The following TCHP variants were observed in gnomAD, a reference collection of about 807,000 sequenced individuals.
The protein encoded by TCHP is trichoplein keratin filament binding, also known as trichoplein keratin filament-binding protein.
Under a neutral mutation model 88.7 loss-of-function variants are expected in TCHP, and 81 were observed. That is an observed-to-expected ratio of 0.91 (90% CI 0.76 to 1.10). The LOEUF (loss-of-function observed/expected upper bound fraction) is 1.10. Ranked by LOEUF, TCHP falls within the 50% of genes least tolerant of loss-of-function variation. The probability of loss-of-function intolerance (pLI) is 0.00; values close to 1 mark genes in which losing one functional copy is unlikely to be tolerated. For missense variants in TCHP, 641 were observed against 632.1 expected (o/e 1.01, Z -0.15); for synonymous variants, 232 against 232.5 (o/e 1.00, Z 0.02).
At chr12:109,915,087 C>T (rs1870727988) in intron 11 of TCHP, 1 of 483,760 alleles carries the variant, frequency 2.1e-6, no homozygotes, top group Non-Finnish European at 3.8e-6. Context: ...ACAGCCTCTC[C>T]AGCTTTCTAC....
Position 109,914,558 on chromosome 12 carries a change from G to T in TCHP, c.1251G>T (p.Glu417Asp), listed in dbSNP as rs940072433. Reference sequence around the variant, plus strand: ...TTCGAAATCTTGAGGAGGTGAGAGAGTTGGCTCGTCGCGAGAAAGAGGAGA... The same window carrying T: ...TTCGAAATCTTGAGGAGGTGAGAGATTTGGCTCGTCGCGAGAAAGAGGAGA... ...QLIRNLEEVR[E>D]LARREKEESE... is the part of the protein sequence containing the mutation. Residue 417 changes from glutamate (E) to aspartate (D), a missense_variant, in exon 11 of 13, where the codon GAG becomes GAT. Glu to Asp is a conservative substitution (Grantham distance 45). Transcript: ENST00000405876. 4 of 1,613,886 alleles carry T rather than the reference G, an allele frequency of 2.5e-6. No homozygotes were observed. In the Admixed American group the frequency reaches 6.7e-5, roughly 27 times the overall value.
intron 12 of TCHP, 57 bp from the exon 13 acceptor site, chr12:109,916,534 C>G: frequency 6.5e-7 from 1 of 1,527,986 alleles, no homozygotes; most frequent in East Asian, 2.3e-5. Context: ...AAGGTTAATT[C>G]CTCATGCTGC....
At position 109,903,626 on chromosome 12, in the gene TCHP, G is replaced by A. The variant is rs1409420898; in HGVS notation, c.189-311G>A. 6.6e-6 allele frequency among the ~76,000 whole-genome samples: 1 copy of A among 152,202 alleles called. No individual in the cohort carries two copies. Among genetic ancestry groups the A allele is most frequent in the African/African-American group, 2.4e-5 (1 of 41,440 alleles). On this transcript the variant is annotated intron_variant, in intron 2 of 12. Coordinates refer to ENST00000405876, the MANE Select transcript of TCHP (RefSeq NM_001143852.2). This position sits in a 1 kb window ranked among gnomAD's most constrained non-coding sequence, Gnocchi z 4.6. Reference sequence around the variant, plus strand: ...TCAGACCTAGATGGAAATCCTGACCGTGTCTCTTGCTGAATGTATGAGCTT... The same window carrying A: ...TCAGACCTAGATGGAAATCCTGACCATGTCTCTTGCTGAATGTATGAGCTT...
At position 109,903,954 on chromosome 12, in the gene TCHP, G is replaced by A. The variant is rs767334266; in HGVS notation, c.206G>A (p.Arg69Gln). ...TCACCCAGCATGCATGCCTATCAGCGGGAGAAGATGAAGGAGGAGAAGAGG... is the reference window on the plus strand; with the variant it reads ...TCACCCAGCATGCATGCCTATCAGCAGGAGAAGATGAAGGAGGAGAAGAGG... The part of the protein sequence containing the change: ...SYQRSMHAYQ[R>Q]EKMKEEKRRS... The change falls in exon 3 of 13, where the codon CGG becomes CAG. Residue 69 changes from arginine (R) to glutamine (Q), a missense_variant. Arg to Gln is a conservative substitution (Grantham distance 43). Coordinates refer to ENST00000405876, the MANE Select transcript of TCHP (RefSeq NM_001143852.2). The surrounding 1 kb of genome is among the most constrained non-coding windows in gnomAD (Gnocchi z 4.6). 8.1e-6 allele frequency: 13 copies of A among 1,608,196 alleles called. No individual in the cohort carries two copies. Among genetic ancestry groups the A allele is most frequent in the South Asian group, 2.2e-5 (2 of 89,730 alleles).
At chr12:109,901,178 C>T (rs1722927402) in intron 1 of TCHP, 1 of 152,254 alleles carries the variant, frequency 6.6e-6, no homozygotes, top group Admixed American at 6.5e-5. Flanking sequence ...CAGAGAGAGC[C>T]TGGGCTCTGG....
the TCHP span, among the ~76,000 whole-genome samples, chr12:109,883,862 C>T: frequency 2.9e-4 from 44 of 152,308 alleles, no homozygotes; most frequent in African/African-American, 8.9e-4. Flanking sequence ...TTCATCTACC[C>T]CTTCATCAAT....
intron 11 of TCHP, 30 bp downstream of exon 11, chr12:109,914,657 C>T (rs369945297): frequency 6.9e-6 from 11 of 1,583,894 alleles, no homozygotes; most frequent in South Asian, 1.1e-5. Flanking sequence ...CGGGAGGCAC[C>T]GGGCCTGCCA....
chr12:109,883,774 C>A, the TCHP span, among the ~76,000 whole-genome samples: 7 of 152,206 alleles, frequency 4.6e-5, no homozygotes, highest in African/African-American at 1.7e-4. Context: ...AAGCACCTTG[C>A]CATAGAACAT....
intron 4 of TCHP, 184 bp downstream of exon 4, chr12:109,904,977 A>G: frequency 1.7e-6 from 1 of 588,864 alleles, no homozygotes; most frequent in Non-Finnish European, 3.0e-6. Context: ...CGGTTGTTGA[A>G]CAAATGTTGA....
intron 12 of TCHP, among the ~76,000 whole-genome samples, chr12:109,916,095 C>T (rs1870805337): frequency 6.6e-6 from 1 of 152,234 alleles, no homozygotes; most frequent in South Asian, 2.1e-4. Flanking sequence ...AAGCTGATGA[C>T]TGAAGCACCT....
rs753737765 is a variant in TCHP at position 109,907,571 on chromosome 12, T to A, written c.571T>A (p.Tyr191Asn). The change falls in exon 6 of 13, where the codon TAT becomes AAT. Residue 191 changes from tyrosine to asparagine, a missense_variant. Coordinates refer to ENST00000405876, the MANE Select transcript of TCHP (RefSeq NM_001143852.2). ...EQENKRYENE[Y>N]ERARREALER... ...AGAGAACAAACGGTATGAAAATGAA[T>A]ATGAAAGGGCCCGAAGGGAGGCGCT... 1 of 1,613,998 alleles carries A rather than the reference T, an allele frequency of 6.2e-7. No individual in the cohort carries two copies. The highest frequency in any genetic ancestry group is 1.1e-5 in the South Asian group (1 of 91,068).
the TCHP span, among the ~76,000 whole-genome samples, chr12:109,887,224 C>T: frequency 6.6e-6 from 1 of 151,930 alleles, no homozygotes; most frequent in African/African-American, 2.4e-5. Context: ...GAGATCAAGA[C>T]CATCCTGGCC....
chr12:109,914,703 C>A, intron 11 of TCHP, 76 bp downstream of exon 11: 3 of 1,311,592 alleles, frequency 2.3e-6, no homozygotes, highest in Non-Finnish European at 3.2e-6. Flanking sequence ...GGTTCAGAGC[C>A]GCTGGACTGC....
rs374816840 is a variant in TCHP at position 109,908,843 on chromosome 12, A to C, written c.813-28A>C. 159 of 1,613,104 alleles carry C rather than the reference A, an allele frequency of 9.9e-5. 3 individuals carry two copies. The South Asian group carries it at 1.5e-3, about 15-fold the overall frequency. On this transcript the variant is annotated intron_variant, in intron 7 of 12. Coordinates refer to ENST00000405876, the MANE Select transcript of TCHP (RefSeq NM_001143852.2). ...TATTTAATTCTTTCTGAGATACTGA[A>C]GGCAGCCCACATTTGATTCTCCTTC...
chr12:109,881,211 A>G, the TCHP span, among the ~76,000 whole-genome samples: 1 of 152,244 alleles, frequency 6.6e-6, no homozygotes, highest in African/African-American at 2.4e-5. Flanking sequence ...ACAGGAATGT[A>G]AACGGCTTTG....
rs935481789 is a variant in TCHP, at chr12:109,911,075, C to G, written c.892C>G (p.Arg298Gly). The G allele has an allele frequency of 1.3e-6, 2 of 1,581,658 alleles. No homozygotes were observed. The highest frequency in any genetic ancestry group is 1.7e-6 in the Non-Finnish European group (2 of 1,164,232). ...CTGCTTCCTCTAGGAGGCAGACAGG[C>G]GGATCCTGCAGGCCCTCCTCGAGAA... ...QIQEELEADRRILQALLEKED... is the reference protein window; with the variant it reads ...QIQEELEADRGILQALLEKED... Residue 298 changes from arginine to glycine, a missense_variant, in exon 9 of 13, where the codon CGG (arginine) becomes GGG (glycine). Physicochemically the swap from Arg to Gly is moderately radical, Grantham distance 125. Coordinates refer to ENST00000405876, the MANE Select transcript of TCHP (RefSeq NM_001143852.2).
rs60370468 is a variant in TCHP, at chr12:109,906,463, G to A, written c.457-109G>A. ...CTGTGCCACTGAGTCCCCATGAAGC[G>A]AAGTCATGGCCACGTTCCCGCAGGT... On this transcript the variant is annotated intron_variant, in intron 4 of 12. Coordinates refer to ENST00000405876, the MANE Select transcript of TCHP (RefSeq NM_001143852.2). 3.1e-5 allele frequency: 30 copies of A among 970,550 alleles called. No homozygotes were observed. The East Asian group carries it at 4.9e-4, about 16-fold the overall frequency. The allele number at this position is 970,550 out of a possible 1,614,324, so 60.1% of individuals were successfully genotyped here. A position where few individuals can be genotyped will look rare whatever the true frequency, so the allele number is the denominator to read the frequency against.
chr12:109,882,428 TA>T, the TCHP span, among the ~76,000 whole-genome samples: 13,893 of 98,340 alleles, frequency 0.14, 945 homozygotes, highest in African/African-American at 0.25. Context: ...AGACTCCGTC[TA>T]AAAAAAAAAA....
At chr12:109,886,696 AT>A in the TCHP span, among the ~76,000 whole-genome samples, 1 of 151,096 alleles carries the variant, frequency 6.6e-6, no homozygotes. Context: ...TTTTTGGGAG[AT>A]TTTTTTGTTT....
Sources: gnomAD v4.1 joint callset for allele counts (sites outside exome capture counted in the v4.1 genomes callset) on GRCh38, gnomAD v4.1.1 for gene constraint, Gnocchi (gnomAD v3.1) non-coding constraint, MANE v1.5 for transcripts, NCBI Gene and HGNC (gene_info 2026-07-23, HGNC 2026-07-21) for gene names.